ENTREP2: variants seen among roughly 807,000 people sequenced by gnomAD.
ENTREP2 encodes the protein endosomal transmembrane epsin interactor 2, also known as protein ENTREP2.
the ENTREP2 span, among the ~76,000 whole-genome samples, chr15:29,640,422 C>T: frequency 6.6e-6 from 1 of 152,110 alleles, no homozygotes; most frequent in African/African-American, 2.4e-5. Context: ...CTTTGGAAGG[C>T]TGAGGTGGGT....
the ENTREP2 span, among the ~76,000 whole-genome samples, chr15:29,159,125 T>C: frequency 2.0e-5 from 3 of 152,198 alleles, no homozygotes; most frequent in East Asian, 1.9e-4. Flanking sequence ...CGCTGAGTGT[T>C]ACAGCTCTTA....
chr15:29,319,631 T>C, the ENTREP2 span, among the ~76,000 whole-genome samples: 1 of 152,220 alleles, frequency 6.6e-6, no homozygotes, highest in Non-Finnish European at 1.5e-5. Flanking sequence ...CCCATCCTTA[T>C]GATAAGAAAA....
At chr15:29,285,884 T>C in the ENTREP2 span, among the ~76,000 whole-genome samples, 10 of 152,130 alleles carry the variant, frequency 6.6e-5, no homozygotes, top group Admixed American at 2.6e-4. Flanking sequence ...ATAAGGTTGG[T>C]TCAACATTCA....
At chr15:29,457,208 C>T in the ENTREP2 span, among the ~76,000 whole-genome samples, 7 of 152,182 alleles carry the variant, frequency 4.6e-5, no homozygotes, top group East Asian at 1.9e-4. Context: ...AGAGGCCAGC[C>T]GGACCCCAGC....
At chr15:29,509,612 C>T in the ENTREP2 span, among the ~76,000 whole-genome samples, 1 of 152,096 alleles carries the variant, frequency 6.6e-6, no homozygotes, top group Non-Finnish European at 1.5e-5. Context: ...CAACTACAAC[C>T]AAATGATCTT....
chr15:29,524,424 C>A, the ENTREP2 span, among the ~76,000 whole-genome samples: 1 of 152,160 alleles, frequency 6.6e-6, no homozygotes. Context: ...GGTAATGTTA[C>A]GGGCAGGTCT....
At chr15:29,411,160 C>T in the ENTREP2 span, among the ~76,000 whole-genome samples, 223 of 152,266 alleles carry the variant, frequency 1.5e-3, no homozygotes, top group African/African-American at 4.8e-3. Context: ...ATGTACTATT[C>T]GTTGATGACT....
chr15:29,656,947 AT>A, the ENTREP2 span, among the ~76,000 whole-genome samples: 3 of 152,078 alleles, frequency 2.0e-5, no homozygotes, highest in Non-Finnish European at 4.4e-5. Context: ...AATAGCCCAA[AT>A]TTCCCTCACC....
chr15:29,458,326 TTC>T, the ENTREP2 span, among the ~76,000 whole-genome samples: 1 of 152,208 alleles, frequency 6.6e-6, no homozygotes, highest in Non-Finnish European at 1.5e-5. Context: ...CAGATCTTCT[TTC>T]CTCAGTCTGC....
At chr15:29,444,040 C>T in the ENTREP2 span, among the ~76,000 whole-genome samples, 1 of 151,986 alleles carries the variant, frequency 6.6e-6, no homozygotes, top group African/African-American at 2.4e-5. Flanking sequence ...GGAGGTGGAG[C>T]TTGCAGTGAG....
chr15:29,574,801 T>TA, the ENTREP2 span, among the ~76,000 whole-genome samples: 1 of 152,190 alleles, frequency 6.6e-6, no homozygotes, highest in African/African-American at 2.4e-5. Context: ...TAGCCTCTCT[T>TA]ACGCAGTAGA....
At chr15:29,358,134 T>C in the ENTREP2 span, among the ~76,000 whole-genome samples, 1 of 152,108 alleles carries the variant, frequency 6.6e-6, no homozygotes, top group Non-Finnish European at 1.5e-5. Flanking sequence ...ATTTAAACAT[T>C]CACAGCAACA....
chr15:29,371,660 G>C, the ENTREP2 span, among the ~76,000 whole-genome samples: 1 of 151,980 alleles, frequency 6.6e-6, no homozygotes, highest in African/African-American at 2.4e-5. Context: ...AAAGCAATTA[G>C]AGAAAAACAC....
chr15:29,196,615 C>G, the ENTREP2 span: 3 of 1,525,588 alleles, frequency 2.0e-6, no homozygotes, highest in South Asian at 3.7e-5. Flanking sequence ...ATTCGACCCC[C>G]GAGGGTACGC....
chr15:29,637,489 C>G, the ENTREP2 span, among the ~76,000 whole-genome samples: 5 of 152,188 alleles, frequency 3.3e-5, no homozygotes, highest in South Asian at 2.1e-4. Context: ...CTCATGTTCC[C>G]TTGTCCATGA....
chr15:29,239,272 CG>C, the ENTREP2 span, among the ~76,000 whole-genome samples: 1 of 152,092 alleles, frequency 6.6e-6, no homozygotes, highest in Admixed American at 6.5e-5. Flanking sequence ...ACCTGTTCCC[CG>C]GGTTGTATAA....
the ENTREP2 span, among the ~76,000 whole-genome samples, chr15:29,346,115 GCTGC>G: frequency 1.3e-5 from 2 of 152,202 alleles, no homozygotes; most frequent in African/African-American, 4.8e-5. Flanking sequence ...AAAGGCAGAA[GCTGC>G]GCTGCACAAC....
the ENTREP2 span, among the ~76,000 whole-genome samples, chr15:29,178,104 G>A: frequency 2.0e-5 from 3 of 151,982 alleles, no homozygotes; most frequent in African/African-American, 4.8e-5. Flanking sequence ...ACCAGCCTGG[G>A]CAACATAGTC....
the ENTREP2 span, chr15:29,374,799 AAT>A: frequency 1.3e-5 from 2 of 151,846 alleles, 1 homozygote; most frequent in Admixed American, 1.3e-4. Flanking sequence ...CATTTTGGAG[AAT>A]GTATATTGCA....
Sources: gnomAD v4.1 joint callset for allele counts (sites outside exome capture counted in the v4.1 genomes callset) on GRCh38, gnomAD v4.1.1 for gene constraint, MANE v1.5 for transcripts, NCBI Gene and HGNC (gene_info 2026-07-23, HGNC 2026-07-21) for gene names.